METTL21C: variants seen among roughly 807,000 people sequenced by gnomAD.
METTL21C encodes methyltransferase 21C, AARS1 lysine.
A neutral mutation model predicts 25.9 loss-of-function variants in METTL21C; 21 were observed. That is an observed-to-expected ratio of 0.81 (90% CI 0.58 to 1.17). METTL21C has a LOEUF of 1.17. METTL21C is among the 50% of genes most tolerant of loss of function. The pLI is 0.00. For missense variants in METTL21C, 312 were observed against 315.1 expected, an observed-to-expected ratio of 0.99 and a Z score of 0.07; for synonymous variants, 125 against 124.7, an observed-to-expected ratio of 1.00 and a Z score of -0.01.
intron 1 of METTL21C, among the ~76,000 whole-genome samples, chr13:102,691,727 C>T (rs770291762): frequency 1.3e-5 from 2 of 152,238 alleles, no homozygotes; most frequent in Admixed American, 1.3e-4. Flanking sequence ...ATCTTTCCTA[C>T]AATTGCTGTT....
Position 102,694,873 on chromosome 13 carries a change from T to TTCTCTCTCTCTCTCTCTC in METTL21C, c.-393_-376dup, listed in dbSNP as rs111474584. Among the ~76,000 whole-genome samples the TTCTCTCTCTCTCTCTCTC allele has an allele frequency of 1.6e-5, 2 of 128,296 alleles. No individual in the cohort carries two copies. Among genetic ancestry groups the TTCTCTCTCTCTCTCTCTC allele is most frequent in the African/African-American group, 5.9e-5 (2 of 33,774 alleles). 84.2% of individuals were successfully genotyped at this position (128,296 alleles called of 152,430 possible). A position where few individuals can be genotyped will look rare whatever the true frequency, so the allele number is the denominator to read the frequency against. ...ATTACTTTGCTAGAATTCTCTCTCT[T>TTCTCTCTCTCTCTCTCTC]TCTCTCTCTCTCTCTCTCTCTCTCT... On this transcript the variant is annotated 5_prime_UTR_variant, in exon 1 of 4. Transcript: ENST00000267273.
At chr13:102,697,561 G>A (rs966810818), upstream of METTL21C, among the ~76,000 whole-genome samples, 1 of 152,128 alleles carries the variant, frequency 6.6e-6, no homozygotes, top group South Asian at 2.1e-4. Flanking sequence ...GTGATGTCAG[G>A]TGAGTTGTTC....
chr13:102,704,245 C>A, the METTL21C span, among the ~76,000 whole-genome samples: 1 of 152,192 alleles, frequency 6.6e-6, no homozygotes, highest in Non-Finnish European at 1.5e-5. Flanking sequence ...TAAATAACTT[C>A]TTTCAAGCTA....
upstream of METTL21C, among the ~76,000 whole-genome samples, chr13:102,696,243 T>C (rs113409393): frequency 0.019 from 2,964 of 152,192 alleles, 42 homozygotes; most frequent in Non-Finnish European, 0.031. Context: ...AAACCATCAT[T>C]CTCAGCAAAC....
At chr13:102,686,886 C>T in intron 3 of METTL21C, 54 bp downstream of exon 3, 1 of 1,393,760 alleles carries the variant, frequency 7.2e-7, no homozygotes, top group Non-Finnish European at 1.0e-6. Context: ...TAAGCACTTG[C>T]TATTGTTGTT....
the METTL21C span, among the ~76,000 whole-genome samples, chr13:102,700,919 G>T: frequency 2.6e-5 from 4 of 151,774 alleles, no homozygotes; most frequent in Non-Finnish European, 4.4e-5. Flanking sequence ...AGCGCCGTCC[G>T]CTGCTTGGAC....
rs1250918031 is a variant in METTL21C at position 102,694,419 on chromosome 13, G to A, written c.80C>T (p.Ala27Val). ...TTTCTGCGGAGCCCCCTTCTTCTCA[G>A]CCTCTAACCAGCCACCCGGGGAGCT... ...GLSSPGGWLE[A>V]EKKGAPQKDS... The change falls in exon 1 of 4, where the codon GCT (alanine) becomes GTT (valine). Residue 27 changes from alanine to valine, a missense_variant. Physicochemically the swap from Ala to Val is moderately conservative, Grantham distance 64. Coordinates refer to ENST00000267273, the MANE Select transcript of METTL21C (RefSeq NM_001010977.3). 1.4e-6 allele frequency: 2 copies of A among 1,474,346 alleles called. No homozygotes were observed. Among genetic ancestry groups the A allele is most frequent in the Admixed American group, 4.3e-5 (2 of 46,444 alleles). The allele number at this position is 1,474,346 out of a possible 1,614,324, so 91.3% of individuals were successfully genotyped here. A position where few individuals can be genotyped will look rare whatever the true frequency, so the allele number is the denominator to read the frequency against.
upstream of METTL21C, among the ~76,000 whole-genome samples, chr13:102,699,555 GC>G (rs879279213): frequency 5.9e-5 from 9 of 152,178 alleles, no homozygotes; most frequent in Non-Finnish European, 8.8e-5. Context: ...TACCCACCAT[GC>G]CTACTTATAA....
chr13:102,699,824 C>T (rs890017668), upstream of METTL21C, among the ~76,000 whole-genome samples: 13 of 152,226 alleles, frequency 8.5e-5, no homozygotes, highest in African/African-American at 3.1e-4. Flanking sequence ...CAGCCCTGCA[C>T]TGGCCAGACT....
At chr13:102,699,647 A>T (rs1031739431), upstream of METTL21C, among the ~76,000 whole-genome samples, 3 of 152,226 alleles carry the variant, frequency 2.0e-5, no homozygotes, top group African/African-American at 7.2e-5. Context: ...CCCTGGAACC[A>T]CCGACATTCA....
upstream of METTL21C, among the ~76,000 whole-genome samples, chr13:102,695,724 C>T (rs138449634): frequency 2.6e-5 from 4 of 152,140 alleles, no homozygotes; most frequent in African/African-American, 9.7e-5. Context: ...GGGGATAAGC[C>T]GGCATTTGTT....
chr13:102,694,122 T>C (rs556649890), intron 1 of METTL21C, among the ~76,000 whole-genome samples: 6 of 151,248 alleles, frequency 4.0e-5, no homozygotes, highest in East Asian at 1.9e-4. Flanking sequence ...GATCTATACA[T>C]AGAAAAAAAA....
At chr13:102,692,003 G>T (rs1377986055) in intron 1 of METTL21C, among the ~76,000 whole-genome samples, 1 of 152,088 alleles carries the variant, frequency 6.6e-6, no homozygotes, top group Admixed American at 6.6e-5. Context: ...CAGAGGAAAA[G>T]GTGTTGGTCC....
At chr13:102,690,723 A>G in intron 2 of METTL21C, 90 bp downstream of exon 2, 1 of 1,463,210 alleles carries the variant, frequency 6.8e-7, no homozygotes, top group Non-Finnish European at 9.3e-7. Context: ...CAGGATATGA[A>G]GGAACTTGAC....
rs151260758 is a variant in METTL21C at position 102,693,558 on chromosome 13, T to C, written c.130+811A>G. On this transcript the variant is annotated intron_variant, in intron 1 of 3. Coordinates refer to ENST00000267273, the MANE Select transcript of METTL21C (RefSeq NM_001010977.3). ...TAGGCTGATTTTGAATGGCTCATCA[T>C]TTCACAGGTAAATAAACTGACAAAT... Among the ~76,000 whole-genome samples the C allele has an allele frequency of 1.3e-3, 205 of 152,346 alleles. 1 individual carries two copies. Among genetic ancestry groups the C allele is most frequent in the African/African-American group, 4.6e-3 (193 of 41,578 alleles).
intron 2 of METTL21C, among the ~76,000 whole-genome samples, chr13:102,689,454 C>T (rs1473172607): frequency 6.6e-6 from 1 of 152,228 alleles, no homozygotes; most frequent in African/African-American, 2.4e-5. Context: ...CCTTTGGCTA[C>T]CCTTCTCCCC....
chr13:102,703,300 T>C, the METTL21C span, among the ~76,000 whole-genome samples: 1 of 152,234 alleles, frequency 6.6e-6, no homozygotes, highest in Non-Finnish European at 1.5e-5. Context: ...AGCTGGAACT[T>C]CTAGCCCTGA....
chr13:102,689,319 T>C (rs1885767266), intron 2 of METTL21C, among the ~76,000 whole-genome samples: 2 of 152,218 alleles, frequency 1.3e-5, no homozygotes, highest in South Asian at 2.1e-4. Flanking sequence ...AGTAGTTTGG[T>C]GATTTTCAAA....
intron 2 of METTL21C, among the ~76,000 whole-genome samples, chr13:102,689,558 C>A (rs1885773753): frequency 6.6e-6 from 1 of 152,224 alleles, no homozygotes; most frequent in African/African-American, 2.4e-5. Context: ...AGATAGGCAT[C>A]ACCCCGGAAT....
Sources: gnomAD v4.1 joint callset for allele counts (sites outside exome capture counted in the v4.1 genomes callset) on GRCh38, gnomAD v4.1.1 for gene constraint, MANE v1.5 for transcripts, NCBI Gene and HGNC (gene_info 2026-07-23, HGNC 2026-07-21) for gene names.